Variants in UGT1A6 observed in about 807,000 individuals in gnomAD.
The protein encoded by UGT1A6 is UDP glucuronosyltransferase family 1 member A6.
UGT1A6 carries 32 observed loss-of-function variants against 44.4 expected under a neutral mutation model. The ratio of observed to expected loss-of-function variants is 0.72; its 90% CI spans 0.54 to 0.97. The LOEUF (loss-of-function observed/expected upper bound fraction) is 0.97, where lower values mean the gene tolerates loss of function less well. UGT1A6 is among the 50% of genes least tolerant of loss of function. The probability of loss-of-function intolerance (pLI) is 0.00; values close to 1 mark genes in which losing one functional copy is unlikely to be tolerated. For missense variants in UGT1A6, 685 were observed against 661.9 expected (o/e 1.03, Z -0.38); for synonymous variants, 238 against 248.5 (o/e 0.96, Z 0.40).
chr2:233,768,423 G>A lies in UGT1A6; in HGVS notation c.1285G>A (p.Val429Ile). The A allele has an allele frequency of 6.2e-7, 1 of 1,614,098 alleles. No homozygotes were observed. The highest frequency in any genetic ancestry group is 8.5e-7 in the Non-Finnish European group (1 of 1,180,004). The change falls in exon 4 of 5, where the codon GTC (valine) becomes ATC (isoleucine). Residue 429 changes from valine to isoleucine, a missense_variant. Coordinates refer to ENST00000305139, the MANE Select transcript of UGT1A6 (RefSeq NM_001072.4). ...AGATTTAGAAAATGCTCTAAAAGCA[G>A]TCATCAATGACAAAAGGTAAGAAAG... ...SEDLENALKAVINDKSYKENI... is the reference protein window; with the variant it reads ...SEDLENALKAIINDKSYKENI...
At chr2:233,745,739 A>G (rs1329170032) in intron 1 of UGT1A6, among the ~76,000 whole-genome samples, 2 of 141,886 alleles carry the variant, frequency 1.4e-5, no homozygotes, top group African/African-American at 2.7e-5. Flanking sequence ...AGGCAGAGGG[A>G]GGGGGCAAGC....
chr2:233,750,449 A>G (rs1225472187), intron 1 of UGT1A6, among the ~76,000 whole-genome samples: 4 of 151,972 alleles, frequency 2.6e-5, no homozygotes, highest in South Asian at 4.1e-4. Context: ...AGAAATTCAA[A>G]CCAGCTACAG....
intron 1 of UGT1A6, chr2:233,747,278 C>A (rs925407656): frequency 4.4e-6 from 7 of 1,599,166 alleles, no homozygotes; most frequent in Middle Eastern, 3.5e-4. Context: ...CTTCTCAGTG[C>A]CCAGCCCTGG....
At chr2:233,718,637 T>G in intron 1 of UGT1A6, 10 of 1,451,642 alleles carry the variant, frequency 6.9e-6, no homozygotes, top group Non-Finnish European at 8.3e-6. Context: ...TTTCCCAGGG[T>G]TGGGCCCATA....
chr2:233,750,098 G>A (rs1449295750), intron 1 of UGT1A6, among the ~76,000 whole-genome samples: 1 of 151,902 alleles, frequency 6.6e-6, no homozygotes, highest in Non-Finnish European at 1.5e-5. Context: ...AGTTTGGAGA[G>A]CTCAGAAGAA....
In UGT1A6 at chr2:233,769,448, C is replaced by T. The variant is rs934555154; in HGVS notation, c.1301+1009C>T. The T allele has an allele frequency of 7.2e-5, 114 of 1,590,160 alleles. No individual in the cohort carries two copies. The East Asian group carries it at 1.2e-3, about 16-fold the overall frequency. ...GGCTGTGCTCATGTGTGGGTGCACA[C>T]GTGTGCATTCATATGCGTGTGTGTG... On this transcript the variant is annotated intron_variant, in intron 4 of 4. Coordinates refer to ENST00000305139, the MANE Select transcript of UGT1A6 (RefSeq NM_001072.4). The surrounding 1 kb of genome is among the most constrained non-coding windows in gnomAD (Gnocchi z 4.4).
intron 1 of UGT1A6, among the ~76,000 whole-genome samples, chr2:233,748,293 A>G (rs1052851237): frequency 6.6e-6 from 1 of 151,694 alleles, no homozygotes; most frequent in Non-Finnish European, 1.5e-5. Context: ...GCAGACATGA[A>G]TGTTTATCAA....
intron 1 of UGT1A6, among the ~76,000 whole-genome samples, chr2:233,748,848 A>G (rs1037972949): frequency 6.6e-6 from 1 of 151,534 alleles, no homozygotes; most frequent in Non-Finnish European, 1.5e-5. Flanking sequence ...CTGTGAGCGT[A>G]TAAGCCCAGT....
chr2:233,739,477 G>C (rs569787669), intron 1 of UGT1A6, among the ~76,000 whole-genome samples: 1 of 152,350 alleles, frequency 6.6e-6, no homozygotes, highest in East Asian at 1.9e-4. Context: ...GACCGTGGGA[G>C]CCCATTTCTG....
intron 1 of UGT1A6, chr2:233,729,354 C>T: frequency 1.9e-6 from 3 of 1,614,190 alleles, no homozygotes; most frequent in African/African-American, 1.3e-5. Context: ...ACTTTTTCAC[C>T]CTGACAACCT....
chr2:233,755,062 C>G, intron 1 of UGT1A6: 1 of 1,335,450 alleles, frequency 7.5e-7, no homozygotes, highest in Middle Eastern at 2.1e-4. Flanking sequence ...GCCCTCGCCT[C>G]GCCATAGCGG....
At chr2:233,723,413 C>T (rs1262463739) in intron 1 of UGT1A6, among the ~76,000 whole-genome samples, 1 of 133,572 alleles carries the variant, frequency 7.5e-6, no homozygotes, top group Non-Finnish European at 1.6e-5. Flanking sequence ...TTTCACCATA[C>T]TGGTCAGGCT....
chr2:233,754,883 G>A (rs762017567), intron 1 of UGT1A6: 29 of 1,351,538 alleles, frequency 2.1e-5, no homozygotes, highest in East Asian at 4.6e-5. Context: ...TGCTTCCCAG[G>A]GAGTTCCTCT....
chr2:233,766,003 G>A (rs1430572640), intron 1 of UGT1A6, among the ~76,000 whole-genome samples: 1 of 152,074 alleles, frequency 6.6e-6, no homozygotes, highest in Non-Finnish European at 1.5e-5. Flanking sequence ...AGTGGGCGTG[G>A]GTTATGGCCT....
In UGT1A6 at chr2:233,772,491, T is replaced by C; in HGVS notation, c.1531T>C (p.Tyr511His). The C allele has an allele frequency of 6.2e-7, 1 of 1,614,160 alleles. No homozygotes were observed. Among genetic ancestry groups the C allele is most frequent in the South Asian group, 1.1e-5 (1 of 91,082 alleles). Reference sequence around the variant, plus strand: ...CTTCATCACCTTTAAATGTTGTGCTTATGGCTACCGGAAATGCTTGGGGAA... The same window carrying C: ...CTTCATCACCTTTAAATGTTGTGCTCATGGCTACCGGAAATGCTTGGGGAA... ...VAFITFKCCA[Y>H]GYRKCLGKKG... Residue 511 changes from tyrosine to histidine, a missense_variant, in exon 5 of 5, where the codon TAT becomes CAT. Physicochemically the swap from Tyr to His is moderately conservative, Grantham distance 83 (BLOSUM62 2). Coordinates refer to ENST00000305139, the MANE Select transcript of UGT1A6 (RefSeq NM_001072.4).
At chr2:233,766,900 T>A (rs1336240432) in intron 1 of UGT1A6, 134 bp from the exon 2 acceptor site, 2 of 1,488,982 alleles carry the variant, frequency 1.3e-6, no homozygotes, top group Admixed American at 4.8e-5. Flanking sequence ...ATATTAATAA[T>A]TTTTTACTCT....
rs1696612775 is a variant in UGT1A6 at position 233,757,546 on chromosome 2, A to ATACATATATATATC, written c.862-9486_862-9485insCATATATATATCTA. The stretch of plus-strand genomic sequence containing the variant: ...TCTTGCCTGTAAGGAATATATATAT[A>ATACATATATATATC]TATATATATATATATGTATATATGA... On this transcript the variant is annotated intron_variant, in intron 1 of 4. Transcript: ENST00000305139. Among the ~76,000 whole-genome samples the ATACATATATATATC allele has an allele frequency of 1.6e-5, 2 of 123,536 alleles. 1 individual carries two copies. The highest frequency in any genetic ancestry group is 3.5e-5 in the Non-Finnish European group (2 of 57,034). 81.0% of individuals were successfully genotyped at this position (123,536 alleles called of 152,430 possible).
chr2:233,763,903 G>A lies in UGT1A6; in HGVS notation c.862-3131G>A, dbSNP rs779915264. The stretch of plus-strand genomic sequence containing the variant: ...AGAAAAATAACTAAACAGAAGATTA[G>A]TGAGGACCAAGGCTTCGAGATGGCC... On this transcript the variant is annotated intron_variant, in intron 1 of 4. Coordinates refer to ENST00000305139, the MANE Select transcript of UGT1A6 (RefSeq NM_001072.4). 3.3e-5 allele frequency among the ~76,000 whole-genome samples: 5 copies of A among 152,300 alleles called. No individual in the cohort carries two copies. In the South Asian group the frequency reaches 1.0e-3, roughly 32 times the overall value.
chr2:233,743,432 G>A (rs779473501), intron 1 of UGT1A6: 7 of 1,356,042 alleles, frequency 5.2e-6, no homozygotes, highest in South Asian at 2.3e-5. Flanking sequence ...CCAAAGGAAC[G>A]AAATCCTGTA....
Sources: allele counts gnomAD v4.1 joint callset (sites outside exome capture counted in the v4.1 genomes callset), GRCh38; gene constraint gnomAD v4.1.1; non-coding constraint Gnocchi (gnomAD v3.1); transcripts MANE v1.5; gene names NCBI Gene and HGNC (gene_info 2026-07-23, HGNC 2026-07-21).